The following MAML2 variants were observed in gnomAD, a reference collection of about 807,000 sequenced individuals.
MAML2 encodes mastermind-like protein 2.
Under a neutral mutation model 96.1 loss-of-function variants are expected in MAML2, and 22 were observed. That is an observed-to-expected ratio of 0.23 (90% CI 0.16 to 0.33). The LOEUF (loss-of-function observed/expected upper bound fraction) is 0.33, where lower values mean the gene tolerates loss of function less well. Ranked by LOEUF, MAML2 falls within the 10% of genes least tolerant of loss-of-function variation. The pLI, the probability that MAML2 is intolerant of heterozygous loss-of-function variation, is 1.00. For synonymous variants in MAML2, 561 were observed against 521.3 expected, an observed-to-expected ratio of 1.08 and a Z score of -1.04; for missense variants, 1,367 against 1,392.4, an observed-to-expected ratio of 0.98 and a Z score of 0.29.
chr11:95,976,822 A>G lies in MAML2; in HGVS notation c.*2126T>C, dbSNP rs1022466471. On this transcript the variant is annotated 3_prime_UTR_variant, in exon 5 of 5. Coordinates refer to ENST00000524717, the MANE Select transcript of MAML2 (RefSeq NM_032427.4). The stretch of plus-strand genomic sequence containing the variant: ...ATATACAGTAACATGGAGGAGCCAT[A>G]CAACAAAAGCGTTTATATGTACATC... 7 of 186,590 alleles carry G rather than the reference A, an allele frequency of 3.8e-5. No homozygotes were observed. Among genetic ancestry groups the G allele is most frequent in the Non-Finnish European group, 2.3e-5 (2 of 88,278 alleles). The allele number at this position is 186,590 out of a possible 1,614,324, so 11.6% of individuals were successfully genotyped here. A position where few individuals can be genotyped will look rare whatever the true frequency, so the allele number is the denominator to read the frequency against.
chr11:95,995,906 C>T (rs1857981950), intron 2 of MAML2, among the ~76,000 whole-genome samples: 2 of 152,286 alleles, frequency 1.3e-5, no homozygotes, highest in South Asian at 4.1e-4. Flanking sequence ...TATCCACTCA[C>T]CCAAAGTTAT....
intron 1 of MAML2, among the ~76,000 whole-genome samples, chr11:96,281,770 A>G (rs535445295): frequency 1.6e-4 from 24 of 152,140 alleles, no homozygotes; most frequent in African/African-American, 5.1e-4. Flanking sequence ...CTCAGGAGGC[A>G]GAAGTGGGAG....
chr11:96,263,804 C>A (rs373575902), intron 1 of MAML2, among the ~76,000 whole-genome samples: 1 of 152,172 alleles, frequency 6.6e-6, no homozygotes, highest in South Asian at 2.1e-4. Context: ...AAAAGAGCAA[C>A]CAAATTGGAG....
chr11:95,987,944 A>G (rs1014930433), intron 3 of MAML2, among the ~76,000 whole-genome samples: 1 of 152,208 alleles, frequency 6.6e-6, no homozygotes, highest in Non-Finnish European at 1.5e-5. Context: ...GAGATGTTCC[A>G]TGAACCCAAA....
chr11:96,262,347 A>G (rs890085226), intron 1 of MAML2, among the ~76,000 whole-genome samples: 2 of 152,254 alleles, frequency 1.3e-5, no homozygotes, highest in African/African-American at 2.4e-5. Context: ...TATTTATTGT[A>G]TAAATAAAAT....
chr11:96,184,466 AT>A (rs1861540472), intron 1 of MAML2, among the ~76,000 whole-genome samples: 2 of 151,588 alleles, frequency 1.3e-5, no homozygotes, highest in East Asian at 1.9e-4. Context: ...AAATAAATAA[AT>A]AAATAAATAA....
At chr11:96,306,180 G>C (rs1169996599) in intron 1 of MAML2, among the ~76,000 whole-genome samples, 1 of 152,086 alleles carries the variant, frequency 6.6e-6, no homozygotes, top group Admixed American at 6.5e-5. Flanking sequence ...TTTGATCACT[G>C]CACGAGCCCA....
At chr11:96,136,839 A>C (rs1392027307) in intron 1 of MAML2, among the ~76,000 whole-genome samples, 1 of 152,220 alleles carries the variant, frequency 6.6e-6, no homozygotes, top group Non-Finnish European at 1.5e-5. Context: ...GACCTTGCAG[A>C]GAAGAGAACT....
At chr11:96,082,583 C>A (rs893241358) in intron 2 of MAML2, among the ~76,000 whole-genome samples, 1 of 152,082 alleles carries the variant, frequency 6.6e-6, no homozygotes. Context: ...TGAGGTCGAG[C>A]CCCAGGAAAT....
intron 1 of MAML2, among the ~76,000 whole-genome samples, chr11:96,188,447 A>T (rs1467342125): frequency 6.6e-6 from 1 of 152,126 alleles, no homozygotes; most frequent in East Asian, 1.9e-4. Flanking sequence ...ATTGACTCAT[A>T]ATTAAGAACT....
chr11:96,323,927 A>G (rs1422881748), intron 1 of MAML2, among the ~76,000 whole-genome samples: 1 of 152,356 alleles, frequency 6.6e-6, no homozygotes, highest in East Asian at 1.9e-4. Context: ...GTGTTCAAGC[A>G]CTTTCTACCT....
chr11:96,133,965 G>T (rs1454318941), intron 1 of MAML2, among the ~76,000 whole-genome samples: 1 of 151,946 alleles, frequency 6.6e-6, no homozygotes, highest in Non-Finnish European at 1.5e-5. Flanking sequence ...CTGCACTCCA[G>T]CCTGAGCAAC....
chr11:95,982,348 A>G (rs750522875), intron 4 of MAML2, among the ~76,000 whole-genome samples: 11 of 147,078 alleles, frequency 7.5e-5, no homozygotes, highest in Non-Finnish European at 1.5e-4. Flanking sequence ...TTAGAAACAG[A>G]GCAATGTGCT....
chr11:96,010,030 G>C (rs11021384), intron 2 of MAML2, among the ~76,000 whole-genome samples: 1 of 152,116 alleles, frequency 6.6e-6, no homozygotes, highest in Non-Finnish European at 1.5e-5. Context: ...TTGGAGCTTC[G>C]GGAATGATCT....
chr11:96,126,422 G>GTA (rs1860438735), intron 1 of MAML2, among the ~76,000 whole-genome samples: 1 of 111,864 alleles, frequency 8.9e-6, no homozygotes, highest in African/African-American at 3.4e-5. Flanking sequence ...GCCAGGTGTA[G>GTA]TAGCATACAC....
chr11:96,252,020 C>T (rs1011760338), intron 1 of MAML2, among the ~76,000 whole-genome samples: 3 of 152,170 alleles, frequency 2.0e-5, no homozygotes, highest in African/African-American at 7.2e-5. Flanking sequence ...GCATGAGCCA[C>T]CGCGCCCAGT....
chr11:96,214,654 T>G (rs928632408), intron 1 of MAML2, among the ~76,000 whole-genome samples: 21 of 152,306 alleles, frequency 1.4e-4, no homozygotes, highest in Non-Finnish European at 3.1e-4. Flanking sequence ...CTTATAGTCA[T>G]GCGAAATACA....
intron 2 of MAML2, among the ~76,000 whole-genome samples, chr11:96,036,437 C>T (rs1858712867): frequency 6.6e-6 from 1 of 152,130 alleles, no homozygotes; most frequent in African/African-American, 2.4e-5. Context: ...TGGGAAAGAA[C>T]ACATGATCAC....
chr11:96,295,733 T>C (rs987462915), intron 1 of MAML2, among the ~76,000 whole-genome samples: 1 of 136,882 alleles, frequency 7.3e-6, no homozygotes, highest in Non-Finnish European at 1.5e-5. Flanking sequence ...TAAATGTATA[T>C]GAACATACAT....
Sources: gnomAD v4.1 joint callset for allele counts (sites outside exome capture counted in the v4.1 genomes callset) on GRCh38, gnomAD v4.1.1 for gene constraint, MANE v1.5 for transcripts, NCBI Gene and HGNC (gene_info 2026-07-23, HGNC 2026-07-21) for gene names.